MYH15: variants seen among roughly 807,000 people sequenced by gnomAD.
MYH15 encodes myosin-15.
MYH15 carries 227 observed loss-of-function variants against 240.5 expected under a neutral mutation model. That is an observed-to-expected ratio of 0.94 (90% CI 0.85 to 1.05). The LOEUF (loss-of-function observed/expected upper bound fraction) is 1.05, where lower values mean the gene tolerates loss of function less well. MYH15 is among the 50% of genes least tolerant of loss of function. The pLI is 0.00. For synonymous variants in MYH15, 785 were observed against 796.7 expected, an observed-to-expected ratio of 0.99 and a Z score of 0.25; for missense variants, 2,217 against 2,247.5, an observed-to-expected ratio of 0.99 and a Z score of 0.27.
chr3:108,520,159 A>G (rs1159410010), intron 1 of MYH15, among the ~76,000 whole-genome samples: 1 of 152,190 alleles, frequency 6.6e-6, no homozygotes, highest in East Asian at 1.9e-4. Context: ...TATAGTTTTC[A>G]GTATGATAAG....
At chr3:108,415,806 G>A (rs1047795043) in intron 29 of MYH15, among the ~76,000 whole-genome samples, 4 of 152,180 alleles carry the variant, frequency 2.6e-5, no homozygotes, top group African/African-American at 9.7e-5. Context: ...GGGAGTAAAT[G>A]AGGGAAGCAG....
At chr3:108,385,318 C>A (rs115591073) in intron 38 of MYH15, among the ~76,000 whole-genome samples, 346 of 152,286 alleles carry the variant, frequency 2.3e-3, no homozygotes, top group Non-Finnish European at 4.0e-3. Context: ...CTAATTGACT[C>A]TTGGTTTTGA....
At chr3:108,383,928 T>C in intron 39 of MYH15, among the ~76,000 whole-genome samples, 199 bp from the exon 40 acceptor site, 1 of 152,156 alleles carries the variant, frequency 6.6e-6, no homozygotes, top group East Asian at 1.9e-4. Flanking sequence ...TTTATAACTT[T>C]TGTTCCTTGG....
At chr3:108,427,022 T>C (rs1351263237) in intron 27 of MYH15, among the ~76,000 whole-genome samples, 2 of 152,282 alleles carry the variant, frequency 1.3e-5, no homozygotes, top group African/African-American at 4.8e-5. Flanking sequence ...CTATGCCTGT[T>C]CCACTATTTT....
At chr3:108,460,657 G>C (rs1351861006) in intron 16 of MYH15, among the ~76,000 whole-genome samples, 7 of 152,086 alleles carry the variant, frequency 4.6e-5, no homozygotes, top group African/African-American at 1.7e-4. Context: ...CACATCATAG[G>C]AGATTAATTT....
At chr3:108,469,702 C>T (rs1170842863) in intron 14 of MYH15, among the ~76,000 whole-genome samples, 1 of 152,200 alleles carries the variant, frequency 6.6e-6, no homozygotes, top group Non-Finnish European at 1.5e-5. Flanking sequence ...CAGTTAGGCC[C>T]TACAGTGCTC....
chr3:108,515,063 A>G (rs1386866287), upstream of MYH15, among the ~76,000 whole-genome samples: 2 of 152,156 alleles, frequency 1.3e-5, no homozygotes, highest in Non-Finnish European at 2.9e-5. Flanking sequence ...CCACACTCCT[A>G]TTAGAAGTGC....
At chr3:108,428,463 G>T in intron 27 of MYH15, 29 bp downstream of exon 27, 1 of 1,572,000 alleles carries the variant, frequency 6.4e-7, no homozygotes, top group Non-Finnish European at 8.6e-7. Context: ...ATGTTCAGAA[G>T]ACCACGAGGA....
intron 38 of MYH15, among the ~76,000 whole-genome samples, chr3:108,388,171 T>C (rs543178493): frequency 2.0e-5 from 3 of 152,324 alleles, no homozygotes; most frequent in African/African-American, 7.2e-5. Flanking sequence ...GTGAGAGGGC[T>C]GGAAAGTGAC....
intron 21 of MYH15, among the ~76,000 whole-genome samples, chr3:108,448,888 G>C (rs967282707): frequency 2.6e-5 from 4 of 151,242 alleles, no homozygotes; most frequent in Admixed American, 2.6e-4. Flanking sequence ...CAAAAAAACA[G>C]AATTAACACG....
At chr3:108,405,500 A>C (rs2082539929) in intron 32 of MYH15, 47 bp from the exon 33 acceptor site, 1 of 1,250,906 alleles carries the variant, frequency 8.0e-7, no homozygotes, top group South Asian at 1.8e-5. Flanking sequence ...ACTTTTAGAC[A>C]AAATTGTATT....
At chr3:108,459,481 A>T in intron 17 of MYH15, 32 bp from the exon 18 acceptor site, 1 of 1,419,574 alleles carries the variant, frequency 7.0e-7, no homozygotes, top group African/African-American at 1.4e-5. Context: ...ACACAAAATC[A>T]CTTTGCAAAT....
intron 8 of MYH15, 140 bp downstream of exon 8, chr3:108,492,974 A>T: frequency 1.5e-6 from 1 of 683,044 alleles, no homozygotes; most frequent in East Asian, 2.7e-5. Context: ...GAAGGAAGGA[A>T]GGGAGAAAAA....
chr3:108,397,546 T>G (rs2082471204), intron 35 of MYH15, among the ~76,000 whole-genome samples: 1 of 152,250 alleles, frequency 6.6e-6, no homozygotes, highest in African/African-American at 2.4e-5. Flanking sequence ...GGAGACATTC[T>G]GTGTCTATAC....
At chr3:108,389,644 C>T (rs978656327) in intron 37 of MYH15, among the ~76,000 whole-genome samples, 1 of 152,134 alleles carries the variant, frequency 6.6e-6, no homozygotes, top group African/African-American at 2.4e-5. Context: ...ACAAAACAAA[C>T]AAAAATCTCT....
At chr3:108,535,791 A>G in the MYH15 span, among the ~76,000 whole-genome samples, 1 of 152,192 alleles carries the variant, frequency 6.6e-6, no homozygotes, top group Non-Finnish European at 1.5e-5. Flanking sequence ...AGTTAATAAA[A>G]CAGGCCACCC....
At chr3:108,520,147 A>G (rs1045148865) in intron 1 of MYH15, among the ~76,000 whole-genome samples, 1 of 152,186 alleles carries the variant, frequency 6.6e-6, no homozygotes, top group Admixed American at 6.6e-5. Flanking sequence ...AAGACTTGTC[A>G]ATATAGTTTT....
chr3:108,470,619 A>G, intron 13 of MYH15, 79 bp downstream of exon 13: 1 of 1,491,290 alleles, frequency 6.7e-7, no homozygotes, highest in Non-Finnish European at 9.2e-7. Flanking sequence ...TGCTTTGACC[A>G]TATTTTCCCA....
chr3:108,520,857 A>C (rs1352467163), intron 1 of MYH15, among the ~76,000 whole-genome samples: 1 of 152,132 alleles, frequency 6.6e-6, no homozygotes, highest in Non-Finnish European at 1.5e-5. Flanking sequence ...ATACTAAGAA[A>C]GAATATTTAT....
Sources: allele counts gnomAD v4.1 joint callset (sites outside exome capture counted in the v4.1 genomes callset), GRCh38; gene constraint gnomAD v4.1.1; transcripts MANE v1.5; gene names NCBI Gene and HGNC (gene_info 2026-07-23, HGNC 2026-07-21).